SGK3: variants seen among roughly 807,000 people sequenced by gnomAD.
SGK3 encodes the protein serine/threonine-protein kinase Sgk3.
In SGK3, 47 loss-of-function variants were observed where a neutral mutation model predicts 68.5. The ratio of observed to expected loss-of-function variants is 0.69; its 90% CI spans 0.54 to 0.87. The LOEUF is 0.87. Among genes scored for constraint, SGK3 ranks in the 40% least tolerant of loss-of-function variants. The probability of loss-of-function intolerance (pLI) is 0.00; values close to 1 mark genes in which losing one functional copy is unlikely to be tolerated. For synonymous variants in SGK3, 181 were observed against 189.1 expected (o/e 0.96, Z 0.35); for missense variants, 479 against 575.5 (o/e 0.83, Z 1.72).
chr8:66,811,589 A>G (rs1808384886), intron 4 of SGK3, among the ~76,000 whole-genome samples: 1 of 152,202 alleles, frequency 6.6e-6, no homozygotes, highest in Non-Finnish European at 1.5e-5. Context: ...AGGGCTTTAC[A>G]TAGTGATTTT....
At chr8:66,767,910 G>T in intron 1 of SGK3, 3 of 1,158,622 alleles carry the variant, frequency 2.6e-6, no homozygotes, top group Non-Finnish European at 3.9e-6. Flanking sequence ...CTAAGGCTTT[G>T]ATTGAAGGTC....
At chr8:66,741,125 A>C in intron 1 of SGK3, among the ~76,000 whole-genome samples, 1 of 152,154 alleles carries the variant, frequency 6.6e-6, no homozygotes, top group African/African-American at 2.4e-5. Flanking sequence ...CTTTCTACAG[A>C]GTAAGTCTGG....
chr8:66,845,856 C>T (rs1056754952), intron 14 of SGK3, among the ~76,000 whole-genome samples: 1 of 151,742 alleles, frequency 6.6e-6, no homozygotes, highest in African/African-American at 2.4e-5. Context: ...CTGTGCCTGG[C>T]GTCACTTTTT....
chr8:66,777,177 C>G (rs1241639190), intron 1 of SGK3, among the ~76,000 whole-genome samples: 4 of 152,200 alleles, frequency 2.6e-5, no homozygotes, highest in Non-Finnish European at 5.9e-5. Context: ...TTTTGTATAG[C>G]TCACTCCTTC....
At chr8:66,766,474 G>GA (rs1378918490) in intron 1 of SGK3, among the ~76,000 whole-genome samples, 1 of 152,170 alleles carries the variant, frequency 6.6e-6, no homozygotes, top group Non-Finnish European at 1.5e-5. Context: ...GCAGTGAGCC[G>GA]AGATTGCAAC....
intron 6 of SGK3, among the ~76,000 whole-genome samples, chr8:66,823,141 A>G (rs1466913421): frequency 6.6e-6 from 1 of 152,156 alleles, no homozygotes; most frequent in Non-Finnish European, 1.5e-5. Flanking sequence ...CAGTGTATAC[A>G]GTTTTATATT....
chr8:66,745,594 C>CA (rs998365009), intron 1 of SGK3, among the ~76,000 whole-genome samples: 1 of 145,762 alleles, frequency 6.9e-6, no homozygotes, highest in Admixed American at 6.7e-5. Flanking sequence ...CAAAACAAAA[C>CA]AAAAAAACAA....
At chr8:66,844,206 A>T (rs2130732638) in intron 14 of SGK3, among the ~76,000 whole-genome samples, 1 of 152,280 alleles carries the variant, frequency 6.6e-6, no homozygotes, top group Non-Finnish European at 1.5e-5. Context: ...TGGACAAAAA[A>T]TGATTTTGCA....
intron 1 of SGK3, among the ~76,000 whole-genome samples, chr8:66,751,738 T>A (rs1805823060): frequency 6.8e-6 from 1 of 146,968 alleles, no homozygotes. Context: ...TTAAAAATCA[T>A]TCATTTTATT....
chr8:66,717,398 G>T (rs372667815), intron 1 of SGK3, among the ~76,000 whole-genome samples: 2 of 151,912 alleles, frequency 1.3e-5, no homozygotes, highest in Non-Finnish European at 1.5e-5. Context: ...GGATGGTGGC[G>T]CATGCCTGTA....
intron 1 of SGK3, among the ~76,000 whole-genome samples, chr8:66,771,755 A>G (rs920635862): frequency 1.3e-5 from 2 of 152,166 alleles, no homozygotes; most frequent in African/African-American, 4.8e-5. Flanking sequence ...GAAAATAATC[A>G]TGGACTGATT....
intron 1 of SGK3, among the ~76,000 whole-genome samples, chr8:66,753,760 A>C (rs1474088094): frequency 2.0e-5 from 3 of 152,186 alleles, no homozygotes. Flanking sequence ...CGGAGGTTGC[A>C]GTGAGCCAAG....
intron 1 of SGK3, among the ~76,000 whole-genome samples, chr8:66,761,023 A>C (rs1806150283): frequency 6.6e-6 from 1 of 152,116 alleles, no homozygotes; most frequent in Non-Finnish European, 1.5e-5. Flanking sequence ...GTCTCAAAAA[A>C]AAAAAAAAAG....
intron 1 of SGK3, among the ~76,000 whole-genome samples, chr8:66,752,428 A>G (rs573229334): frequency 6.6e-6 from 1 of 152,300 alleles, no homozygotes; most frequent in East Asian, 1.9e-4. Flanking sequence ...TAAACATGCA[A>G]AAAGAGAATT....
In SGK3 at chr8:66,771,947, C is replaced by CA. The variant is rs540395161; in HGVS notation, c.-121-21666dup. Among the ~76,000 whole-genome samples, 282 of 150,236 alleles carry CA rather than the reference C, an allele frequency of 1.9e-3. 2 individuals carry two copies. Among genetic ancestry groups the CA allele is most frequent in the African/African-American group, 6.5e-3 (266 of 40,768 alleles). ...GAATCAGTCATATGTAACTGCCAGT[C>CA]AAAGCATTTGGTTATCATGAAGTAA... On this transcript the variant is annotated intron_variant, in intron 1 of 16. Coordinates refer to ENST00000521198, the MANE Select transcript of SGK3 (RefSeq NM_001033578.3).
At chr8:66,727,162 T>A (rs903960255) in intron 1 of SGK3, among the ~76,000 whole-genome samples, 2 of 152,052 alleles carry the variant, frequency 1.3e-5, no homozygotes, top group African/African-American at 2.4e-5. Flanking sequence ...AGTGCAGTGG[T>A]TCAATCTCAG....
intron 2 of SGK3, among the ~76,000 whole-genome samples, chr8:66,797,430 A>T (rs1188542646): frequency 6.6e-6 from 1 of 152,120 alleles, no homozygotes; most frequent in Non-Finnish European, 1.5e-5. Context: ...CATCTTACAC[A>T]TAATAGCTTC....
In SGK3 at chr8:66,808,041, A is replaced by G. The variant is rs530346391; in HGVS notation, c.253+3594A>G. On this transcript the variant is annotated intron_variant, in intron 4 of 16. Transcript: ENST00000521198. ...TGGTGTGTATTTTTTCTGTAGGAAA[A>G]GGTATGGGGATTCAAAAGGAAATAA... Among the ~76,000 whole-genome samples the G allele has an allele frequency of 6.5e-3, 992 of 152,272 alleles. 9 individuals are homozygous for G. The highest frequency in any genetic ancestry group is 0.023 in the African/African-American group (950 of 41,564).
chr8:66,762,759 C>T (rs1451205386), intron 1 of SGK3, among the ~76,000 whole-genome samples: 1 of 151,828 alleles, frequency 6.6e-6, no homozygotes, highest in Non-Finnish European at 1.5e-5. Flanking sequence ...TCTTTTTTCC[C>T]TTATAATTTA....
Sources: allele counts gnomAD v4.1 joint callset (sites outside exome capture counted in the v4.1 genomes callset), GRCh38; gene constraint gnomAD v4.1.1; transcripts MANE v1.5; gene names NCBI Gene and HGNC (gene_info 2026-07-23, HGNC 2026-07-21).